Variants in HERC1 observed in about 807,000 individuals in gnomAD.
The protein encoded by HERC1 is HECT and RLD domain containing E3 ubiquitin protein ligase family member 1.
A neutral mutation model predicts 554.3 loss-of-function variants in HERC1; 160 were observed. That is an observed-to-expected ratio of 0.29 (90% confidence interval 0.25 to 0.33). The LOEUF (loss-of-function observed/expected upper bound fraction) is 0.33. Ranked by LOEUF, HERC1 falls within the 10% of genes least tolerant of loss-of-function variation. The pLI is 1.00. For synonymous variants in HERC1, 2,175 were observed against 2,131.7 expected (o/e 1.02, Z -0.56); for missense variants, 4,919 against 5,918.5 (o/e 0.83, Z 5.54).
chr15:63,647,877 G>A (rs571532018), intron 55 of HERC1, among the ~76,000 whole-genome samples, 192 bp downstream of exon 55: 133 of 152,366 alleles, frequency 8.7e-4, no homozygotes, highest in Non-Finnish European at 1.5e-3. Flanking sequence ...AGTGTGGAAT[G>A]ATAGACAAGG....
chr15:63,715,074 C>T (rs571690581), intron 22 of HERC1, among the ~76,000 whole-genome samples: 8 of 152,250 alleles, frequency 5.3e-5, no homozygotes, highest in African/African-American at 1.9e-4. Flanking sequence ...AGAGAATGGT[C>T]ATTGGTGTTT....
Position 63,672,518 on chromosome 15 carries a change from C to A in HERC1, c.8023G>T (p.Val2675Leu), listed in dbSNP as rs1415549303. 9 of 1,599,766 alleles carry A rather than the reference C, an allele frequency of 5.6e-6. No individual in the cohort carries two copies. The highest frequency in any genetic ancestry group is 7.7e-6 in the Non-Finnish European group (9 of 1,172,906). The change falls in exon 39 of 78, where the codon GTG becomes TTG. Residue 2675 changes from valine (V) to leucine (L), a missense_variant. Physicochemically the swap from Val to Leu is conservative, Grantham distance 32. Around this residue, in one of 11 missense-constraint regions of HERC1, gnomAD observed 1,963 missense variants for 2,228.6 expected, o/e 0.88. Coordinates refer to ENST00000443617, the MANE Select transcript of HERC1 (RefSeq NM_003922.4). ...ETVPASESPG[V>L]MPLSLLRQMF... ...TACCTGAGAAGACTAAGAGGCATCA[C>A]TCCCGGGGACTCGGATGCAGGCACT...
At position 63,626,043 on chromosome 15, in the gene HERC1, T is replaced by C. The variant is rs927524363; in HGVS notation, c.13217A>G (p.His4406Arg). Residue 4406 changes from histidine (H) to arginine (R), a missense_variant, in exon 71 of 78, where the codon CAC (histidine) becomes CGC (arginine). This residue lies in a region of HERC1 where 410 missense variants were observed against 467.0 expected (regional missense o/e 0.88). Transcript: ENST00000443617. ...GGATGAGTACATGAGGTCAGAGAAGTGGTAGAGCAGCCGGAGCCTGGCCCG... is the reference window on the plus strand; with the variant it reads ...GGATGAGTACATGAGGTCAGAGAAGCGGTAGAGCAGCCGGAGCCTGGCCCG... ...TVRARLRLLYHFSDLMYSSWR... is the reference protein window; with the variant it reads ...TVRARLRLLYRFSDLMYSSWR... The C allele has an allele frequency of 1.2e-6, 2 of 1,612,486 alleles. No homozygotes were observed. The highest frequency in any genetic ancestry group is 1.7e-6 in the Non-Finnish European group (2 of 1,179,374).
At chr15:63,714,833 C>T (rs2073475235) in intron 22 of HERC1, among the ~76,000 whole-genome samples, 1 of 152,028 alleles carries the variant, frequency 6.6e-6, no homozygotes, top group Non-Finnish European at 1.5e-5. Context: ...AGCCGTGAGC[C>T]ACCGCACCTG....
intron 70 of HERC1, 146 bp downstream of exon 70, chr15:63,628,531 T>A (rs536345824): frequency 5.2e-5 from 42 of 802,760 alleles, no homozygotes; most frequent in Middle Eastern, 7.5e-4. Flanking sequence ...CTTCCAGTGC[T>A]AGTAGCACAA....
chr15:63,638,351 CA>C (rs1439167636), intron 63 of HERC1, 59 bp downstream of exon 63: 3 of 1,543,442 alleles, frequency 1.9e-6, no homozygotes, highest in Non-Finnish European at 2.7e-6. Context: ...ATAAGACAAG[CA>C]AAAGAATTAG....
Position 63,722,228 on chromosome 15 carries a change from C to T in HERC1, c.3742+954G>A, listed in dbSNP as rs181060838. Among the ~76,000 whole-genome samples, 6 of 152,284 alleles carry T rather than the reference C, an allele frequency of 3.9e-5. No homozygotes were observed. The East Asian group carries it at 1.2e-3, about 29-fold the overall frequency. The stretch of plus-strand genomic sequence containing the variant: ...AATACCACCACAAACTTGCATAGTA[C>T]TTTACCATGGTACTTAATAGTATAT... On this transcript the variant is annotated intron_variant, in intron 19 of 77. Transcript: ENST00000443617.
chr15:63,735,520 T>A (rs2141122441), intron 12 of HERC1, among the ~76,000 whole-genome samples: 1 of 151,192 alleles, frequency 6.6e-6, no homozygotes, highest in Non-Finnish European at 1.5e-5. Flanking sequence ...ATTGTGCACA[T>A]GTACCCTAAA....
intron 3 of HERC1, among the ~76,000 whole-genome samples, chr15:63,761,318 G>A (rs940178104): frequency 1.3e-5 from 2 of 152,110 alleles, no homozygotes; most frequent in Non-Finnish European, 2.9e-5. Flanking sequence ...CATGGCTCAC[G>A]TCTGTAATAC....
rs1386481207 is a variant in HERC1, at chr15:63,662,997, T to C, written c.8888A>G (p.Asp2963Gly). The C allele has an allele frequency of 6.2e-7, 1 of 1,613,876 alleles. No individual in the cohort carries two copies. Among genetic ancestry groups the C allele is most frequent in the Admixed American group, 1.7e-5 (1 of 60,022 alleles). The change falls in exon 44 of 78, where the codon GAT becomes GGT. Residue 2963 changes from aspartate to glycine, a missense_variant. Coordinates refer to ENST00000443617, the MANE Select transcript of HERC1 (RefSeq NM_003922.4). ...AGTCACACACACCCAGGTAGGCCAA[T>C]CCAGTACCTCTGGGATCCACATTCC... ...ILGMWIPEVLDWPTWHVCESE... is the reference protein window; with the variant it reads ...ILGMWIPEVLGWPTWHVCESE...
rs573698088 is a variant in HERC1 at position 63,806,254 on chromosome 15, G to A, written c.-27+27573C>T. ...TTCACAGGTGCAGTCATAGCTCAGT[G>A]CACCCTCAAGCTCCTAGGCTGAAGC... On this transcript the variant is annotated intron_variant, in intron 1 of 77. Transcript: ENST00000443617. 1.3e-4 allele frequency among the ~76,000 whole-genome samples: 19 copies of A among 151,274 alleles called. No individual in the cohort carries two copies. The South Asian group carries it at 4.0e-3, about 32-fold the overall frequency.
At chr15:63,674,294 T>C in intron 38 of HERC1, 48 bp downstream of exon 38, 2 of 1,449,940 alleles carry the variant, frequency 1.4e-6, no homozygotes, top group Non-Finnish European at 1.8e-6. Flanking sequence ...ATTATGAAAA[T>C]AATCTCAACA....
At chr15:63,823,423 C>T (rs1487577830) in intron 1 of HERC1, among the ~76,000 whole-genome samples, 1 of 152,112 alleles carries the variant, frequency 6.6e-6, no homozygotes, top group Non-Finnish European at 1.5e-5. Flanking sequence ...TATAATTATT[C>T]CCATTTTATA....
intron 2 of HERC1, among the ~76,000 whole-genome samples, chr15:63,771,493 C>A (rs148981615): frequency 1.3e-5 from 2 of 150,666 alleles, no homozygotes; most frequent in Non-Finnish European, 3.0e-5. Context: ...TGCAATGGTG[C>A]GATCTCAGCT....
chr15:63,821,528 C>G (rs1419651517), intron 1 of HERC1, among the ~76,000 whole-genome samples: 1 of 148,272 alleles, frequency 6.7e-6, no homozygotes, highest in African/African-American at 2.5e-5. Flanking sequence ...TGCACTCCAG[C>G]CTGGTAACAG....
intron 1 of HERC1, among the ~76,000 whole-genome samples, chr15:63,807,679 C>T (rs2077176104): frequency 6.6e-6 from 1 of 152,134 alleles, no homozygotes; most frequent in African/African-American, 2.4e-5. Context: ...ACTGTCCCCA[C>T]CAACCTAATA....
At chr15:63,832,525 A>G (rs2078192371) in intron 1 of HERC1, among the ~76,000 whole-genome samples, 1 of 152,250 alleles carries the variant, frequency 6.6e-6, no homozygotes, top group Admixed American at 6.5e-5. Context: ...GAATAATCAT[A>G]GTTTCTTTCC....
At chr15:63,779,227 C>T in intron 1 of HERC1, among the ~76,000 whole-genome samples, 1 of 151,826 alleles carries the variant, frequency 6.6e-6, no homozygotes, top group East Asian at 1.9e-4. Context: ...AGAAAACTTT[C>T]TAAAATAGAA....
Position 63,626,081 on chromosome 15 carries a change from G to A in HERC1, c.13179C>T (p.Ser4393=). The part of the protein sequence containing the change: ...PPQYGALREV[S]IHTVRARLRL... ...GGAGCCTGGCCCGCACCGTGTGAAT[G>A]CTGACTTCTCTCAGCGCCCCATACT... Residue 4393 remains serine, a synonymous_variant, in exon 71 of 78, where the codon AGC becomes AGT. Transcript: ENST00000443617. 2.2e-5 allele frequency: 36 copies of A among 1,613,748 alleles called. No homozygotes were observed. The highest frequency in any genetic ancestry group is 3.0e-5 in the Non-Finnish European group (35 of 1,179,782).
Sources: gnomAD v4.1 joint callset for allele counts (sites outside exome capture counted in the v4.1 genomes callset) on GRCh38, gnomAD v4.1.1 for gene constraint, gnomAD v4.1.1 regional missense constraint, MANE v1.5 for transcripts, NCBI Gene and HGNC (gene_info 2026-07-23, HGNC 2026-07-21) for gene names.